The following HHIPL1 variants were observed in gnomAD, a reference collection of about 807,000 sequenced individuals.
HHIPL1 encodes HHIP-like protein 1.
In HHIPL1, 43 loss-of-function variants were observed where a neutral mutation model predicts 61.8. The observed-to-expected ratio is 0.70, with a 90% CI of 0.55 to 0.90. The LOEUF (loss-of-function observed/expected upper bound fraction) is 0.90. HHIPL1 is among the 40% of genes least tolerant of loss of function. The pLI, the probability that HHIPL1 is intolerant of heterozygous loss-of-function variation, is 0.00. For missense variants in HHIPL1, 1,056 were observed against 1,157.7 expected, an observed-to-expected ratio of 0.91 and a Z score of 1.28; for synonymous variants, 482 against 515.8, an observed-to-expected ratio of 0.93 and a Z score of 0.89.
At chr14:99,616,551 C>T in the HHIPL1 span, among the ~76,000 whole-genome samples, 2 of 152,002 alleles carry the variant, frequency 1.3e-5, no homozygotes, top group Non-Finnish European at 1.5e-5. Context: ...AAGAACAGTA[C>T]AAGTGTGTTG....
chr14:99,617,116 C>G, the HHIPL1 span, among the ~76,000 whole-genome samples: 1 of 152,142 alleles, frequency 6.6e-6, no homozygotes, highest in Non-Finnish European at 1.5e-5. Flanking sequence ...AACACTAGCA[C>G]TAGGTTTAGA....
In HHIPL1 at chr14:99,645,369, C is replaced by A. The variant is rs1344508319; in HGVS notation, c.162C>A (p.Ala54=). The A allele has an allele frequency of 2.1e-6, 3 of 1,440,820 alleles. No individual in the cohort carries two copies. The highest frequency in any genetic ancestry group is 2.7e-6 in the Non-Finnish European group (3 of 1,100,512). The allele number at this position is 1,440,820 out of a possible 1,614,324, so 89.3% of individuals were successfully genotyped here. A position where few individuals can be genotyped will look rare whatever the true frequency, so the allele number is the denominator to read the frequency against. Residue 54 remains alanine (A), a synonymous_variant, in exon 1 of 9, where the codon GCC becomes GCA. Coordinates refer to ENST00000330710, the MANE Select transcript of HHIPL1 (RefSeq NM_001127258.3). ...DFGCCDEGRD[A]ELTRRFWALA... The stretch of plus-strand genomic sequence containing the variant: ...GCTGCTGCGATGAGGGGCGCGACGC[C>A]GAGCTGACCCGCCGCTTCTGGGCCC...
At chr14:99,607,475 C>G in the HHIPL1 span, among the ~76,000 whole-genome samples, 2 of 152,038 alleles carry the variant, frequency 1.3e-5, no homozygotes, top group African/African-American at 4.8e-5. Context: ...AAAGACTCTC[C>G]CAGGATGTGT....
chr14:99,635,984 T>G, the HHIPL1 span, among the ~76,000 whole-genome samples: 1 of 152,140 alleles, frequency 6.6e-6, no homozygotes, highest in Non-Finnish European at 1.5e-5. Context: ...TCAGGAGCCC[T>G]GGGTTCTAGC....
chr14:99,650,505 A>G (rs2400762), intron 1 of HHIPL1, among the ~76,000 whole-genome samples: 53,406 of 152,150 alleles, frequency 0.35, 9,998 homozygotes, highest in South Asian at 0.45. Flanking sequence ...GGTAGGGTGC[A>G]GGGAGGGTGC....
At chr14:99,626,505 G>A in the HHIPL1 span, among the ~76,000 whole-genome samples, 13 of 152,130 alleles carry the variant, frequency 8.5e-5, no homozygotes, top group Non-Finnish European at 1.2e-4. Context: ...GGAGGTCAAC[G>A]CCAAAGCCTG....
At chr14:99,619,788 C>T in the HHIPL1 span, among the ~76,000 whole-genome samples, 2 of 148,696 alleles carry the variant, frequency 1.3e-5, no homozygotes, top group Non-Finnish European at 3.0e-5. Flanking sequence ...CGTGGCTGTT[C>T]CCGCTGCTGA....
chr14:99,648,834 T>G (rs530926690), intron 1 of HHIPL1, among the ~76,000 whole-genome samples: 28 of 152,298 alleles, frequency 1.8e-4, no homozygotes, highest in African/African-American at 6.3e-4. Context: ...TGCAAAGGCT[T>G]GCTCTTTCAA....
At chr14:99,657,541 G>A (rs1225436911) in intron 3 of HHIPL1, among the ~76,000 whole-genome samples, 1 of 152,194 alleles carries the variant, frequency 6.6e-6, no homozygotes, top group East Asian at 1.9e-4. Context: ...TGGAAAGTGT[G>A]AGCTGGCTGG....
rs2056063172 is a variant in HHIPL1 at position 99,657,202 on chromosome 14, C to T, written c.1046+59C>T. ...TCTCCATATCCCTGGGCTTCTCATA[C>T]TCTTCCAGAGGGTGAGTTCCTTCCT... On this transcript the variant is annotated intron_variant, in intron 3 of 8. Coordinates refer to ENST00000330710, the MANE Select transcript of HHIPL1 (RefSeq NM_001127258.3). 41 of 1,577,926 alleles carry T rather than the reference C, an allele frequency of 2.6e-5. 1 individual carries two copies. In the South Asian group the frequency reaches 3.8e-4, roughly 15 times the overall value.
the HHIPL1 span, among the ~76,000 whole-genome samples, chr14:99,637,193 A>AAAGGAAGG: frequency 1.2e-5 from 1 of 83,848 alleles, no homozygotes; most frequent in Non-Finnish European, 2.4e-5. Flanking sequence ...AGAATGGAAG[A>AAAGGAAGG]AAGAAAGGAA....
At chr14:99,650,147 C>T (rs919100774) in intron 1 of HHIPL1, among the ~76,000 whole-genome samples, 1 of 152,224 alleles carries the variant, frequency 6.6e-6, no homozygotes, top group East Asian at 1.9e-4. Flanking sequence ...TGACCAAAAG[C>T]CACAATCATG....
upstream of HHIPL1, among the ~76,000 whole-genome samples, chr14:99,643,297 C>T (rs1251270849): frequency 6.6e-6 from 1 of 152,230 alleles, no homozygotes. Context: ...GCCTCAGCCT[C>T]CCAAAGTTCT....
rs776858987 is a variant in HHIPL1, at chr14:99,659,643, G to A, written c.1262G>A (p.Gly421Asp). ...GRGRLFCGDV[G>D]QNKFEEVDVV... ...GGGCGCCTCTTCTGCGGCGACGTGG[G>A]CCAGAACAAGTTCGAGGAGGTGGAC... The change falls in exon 4 of 9, where the codon GGC (glycine) becomes GAC (aspartate). Residue 421 changes from glycine (G) to aspartate (D), a missense_variant. Transcript: ENST00000330710. 2 of 1,552,200 alleles carry A rather than the reference G, an allele frequency of 1.3e-6. No individual in the cohort carries two copies. Among genetic ancestry groups the A allele is most frequent in the South Asian group, 2.4e-5 (2 of 83,462 alleles).
At position 99,646,266 on chromosome 14, in the gene HHIPL1, G is replaced by A. The variant is rs2055832159; in HGVS notation, c.255+804G>A. ...GCTGAATGCAGAAATGGAGCAGGAC[G>A]GGCAGCCCCAAGGCATTCCTGCCTC... On this transcript the variant is annotated intron_variant, in intron 1 of 8. Transcript: ENST00000330710. Among the ~76,000 whole-genome samples, 4 of 152,252 alleles carry A rather than the reference G, an allele frequency of 2.6e-5. No individual in the cohort carries two copies. The South Asian group carries it at 8.3e-4, about 31-fold the overall frequency.
At chr14:99,653,329 T>TTTTTGTTTG (rs1555376968) in intron 2 of HHIPL1, among the ~76,000 whole-genome samples, 3 of 150,938 alleles carry the variant, frequency 2.0e-5, no homozygotes, top group Non-Finnish European at 4.4e-5. Context: ...GGTGCCATCT[T>TTTTTGTTTG]TTTTGTTTTG....
In HHIPL1 at chr14:99,645,465, G is replaced by A. The variant is rs921978336; in HGVS notation, c.255+3G>A. ...ACGCGAGGGACCTGCTGTGCCAGGT[G>A]AGCGGGCGCGCGGCCACCGGGCGGG... On this transcript the variant is annotated splice_donor_region_variant and intron_variant, in intron 1 of 8. Coordinates refer to ENST00000330710, the MANE Select transcript of HHIPL1 (RefSeq NM_001127258.3). The A allele has an allele frequency of 1.3e-5, 17 of 1,284,100 alleles. No homozygotes were observed. The African/African-American group carries it at 2.5e-4, about 19-fold the overall frequency. 79.5% of individuals were successfully genotyped at this position (1,284,100 alleles called of 1,614,324 possible). A position where few individuals can be genotyped will look rare whatever the true frequency, so the allele number is the denominator to read the frequency against.
intron 3 of HHIPL1, among the ~76,000 whole-genome samples, chr14:99,658,723 C>A (rs1403017706): frequency 6.6e-6 from 1 of 152,138 alleles, no homozygotes; most frequent in African/African-American, 2.4e-5. Flanking sequence ...TCCTTAGCTG[C>A]TTGGAGCTTA....
At chr14:99,645,556 G>C in intron 1 of HHIPL1, 94 bp downstream of exon 1, 1 of 1,196,292 alleles carries the variant, frequency 8.4e-7, no homozygotes, top group Non-Finnish European at 1.0e-6. Context: ...GGCCAAGAGT[G>C]GGCGGCGGAC....
Sources: gnomAD v4.1 joint callset for allele counts (sites outside exome capture counted in the v4.1 genomes callset) on GRCh38, gnomAD v4.1.1 for gene constraint, MANE v1.5 for transcripts, NCBI Gene and HGNC (gene_info 2026-07-23, HGNC 2026-07-21) for gene names.